MGAT1: variants seen among roughly 807,000 people sequenced by gnomAD.
MGAT1 encodes N-glycosyl-oligosaccharide-glycoprotein N-acetylglucosaminyltransferase I.
MGAT1 carries 14 observed loss-of-function variants against 31.7 expected under a neutral mutation model. The observed-to-expected ratio is 0.44, with a 90% CI of 0.29 to 0.69. The LOEUF (loss-of-function observed/expected upper bound fraction) is 0.69. MGAT1 is among the 30% of genes least tolerant of loss of function. MGAT1 has a pLI of 0.12. For synonymous variants in MGAT1, 338 were observed against 276.0 expected (o/e 1.22, Z -2.23); for missense variants, 557 against 626.0 (o/e 0.89, Z 1.18).
At chr5:180,802,466 C>A (rs564010551) in intron 1 of MGAT1, among the ~76,000 whole-genome samples, 40 of 152,298 alleles carry the variant, frequency 2.6e-4, no homozygotes, top group South Asian at 2.3e-3. Context: ...GCCCGGGATT[C>A]CGAAAGCAGA....
At position 180,795,333 on chromosome 5, in the gene MGAT1, T is replaced by C. The variant is rs372024986; in HGVS notation, c.-126-2236A>G. The stretch of plus-strand genomic sequence containing the variant: ...CACATATATGTCAAAACTTATCAAA[T>C]TGTACACTTTATATGCAGTTCTTTG... On this transcript the variant is annotated intron_variant, in intron 1 of 1. Coordinates refer to ENST00000307826, the MANE Select transcript of MGAT1 (RefSeq NM_002406.4). 4 of 151,872 alleles carry C rather than the reference T, an allele frequency of 2.6e-5. No homozygotes were observed. In the South Asian group the frequency reaches 6.2e-4, roughly 24 times the overall value. The allele number at this position is 151,872 out of a possible 1,614,324, so 9.4% of individuals were successfully genotyped here.
chr5:180,802,376 C>A (rs2113474153), intron 1 of MGAT1, among the ~76,000 whole-genome samples: 1 of 152,340 alleles, frequency 6.6e-6, no homozygotes, highest in African/African-American at 2.4e-5. Context: ...CTCCCTGCCC[C>A]GCACGCACGG....
At chr5:180,798,097 G>GAC (rs1468469172) in intron 1 of MGAT1, among the ~76,000 whole-genome samples, 1 of 152,222 alleles carries the variant, frequency 6.6e-6, no homozygotes, top group Non-Finnish European at 1.5e-5. Context: ...AGGCAAGCCA[G>GAC]ACAGCCCAGA....
chr5:180,807,417 G>A (rs1381082440), upstream of MGAT1, among the ~76,000 whole-genome samples: 3 of 152,226 alleles, frequency 2.0e-5, no homozygotes, highest in Non-Finnish European at 4.4e-5. Context: ...CAGACAGGAA[G>A]TGAGAAGATA....
intron 1 of MGAT1, chr5:180,795,421 T>C (rs575302115): frequency 2.0e-5 from 3 of 152,286 alleles, no homozygotes; most frequent in African/African-American, 2.4e-5. Flanking sequence ...AAAGACGTTA[T>C]TGGGTAAAAT....
intron 1 of MGAT1, among the ~76,000 whole-genome samples, chr5:180,794,942 AGG>A (rs1388589811): frequency 6.6e-6 from 1 of 152,252 alleles, no homozygotes; most frequent in Non-Finnish European, 1.5e-5. Context: ...GCCCATCAAC[AGG>A]GAAATACAGA....
upstream of MGAT1, among the ~76,000 whole-genome samples, chr5:180,804,458 C>T (rs1771551877): frequency 6.6e-6 from 1 of 152,244 alleles, no homozygotes; most frequent in Non-Finnish European, 1.5e-5. Flanking sequence ...CCACCGAGGC[C>T]GCCGTGTGCA....
At chr5:180,799,569 C>T (rs1347212206) in intron 1 of MGAT1, among the ~76,000 whole-genome samples, 1 of 152,206 alleles carries the variant, frequency 6.6e-6, no homozygotes, top group African/African-American at 2.4e-5. Context: ...CCTCTGTGCC[C>T]ACCACAGTGC....
intron 1 of MGAT1, chr5:180,810,160 G>A (rs1182812240): frequency 6.8e-6 from 1 of 147,374 alleles, no homozygotes; most frequent in African/African-American, 2.5e-5. Flanking sequence ...CAGCGGCCCG[G>A]CCCTCCCCTC....
upstream of MGAT1, among the ~76,000 whole-genome samples, chr5:180,805,993 A>G (rs193174321): frequency 7.2e-5 from 11 of 152,300 alleles, no homozygotes; most frequent in African/African-American, 2.6e-4. Context: ...TAATTGAGTT[A>G]AAATACACAC....
Position 180,812,071 on chromosome 5 carries a change from C to T in MGAT1, c.-545-3005G>A, listed in dbSNP as rs1772613281. On this transcript the variant is annotated intron_variant, in intron 1 of 2. Transcript: ENST00000333055. ...GACGCTCACCACTTCCTGAAATACT[C>T]GCCGGGTTTACCATGTATTGTCTGT... Among the ~76,000 whole-genome samples, 3 of 152,198 alleles carry T rather than the reference C, an allele frequency of 2.0e-5. No individual in the cohort carries two copies. The South Asian group carries it at 6.2e-4, about 31-fold the overall frequency.
At chr5:180,813,173 A>G (rs1216362772) in intron 1 of MGAT1, among the ~76,000 whole-genome samples, 1 of 152,150 alleles carries the variant, frequency 6.6e-6, no homozygotes, top group Non-Finnish European at 1.5e-5. Flanking sequence ...TATGAAAGAT[A>G]CACAGAAAGA....
intron 1 of MGAT1, among the ~76,000 whole-genome samples, chr5:180,801,491 GA>G (rs1770755780): frequency 6.6e-6 from 1 of 151,788 alleles, no homozygotes; most frequent in African/African-American, 2.4e-5. Context: ...TTTCAGGACG[GA>G]AAAAAAAGAA....
chr5:180,795,795 A>T (rs1423852818), intron 1 of MGAT1: 1 of 152,080 alleles, frequency 6.6e-6, no homozygotes, highest in African/African-American at 2.4e-5. Context: ...TCAGCAAGGC[A>T]AATTGAGATG....
chr5:180,787,986 GA>G lies in MGAT1; in HGVS notation c.*3647del, dbSNP rs1043334555. On this transcript the variant is annotated 3_prime_UTR_variant, in exon 2 of 2. Transcript: ENST00000307826. ...GAGCAGGAACCCACAGTGAGAGCAGGAGTGGCAGGAGGTGGTCACAGCTGGA... is the reference window on the plus strand; with the variant it reads ...GAGCAGGAACCCACAGTGAGAGCAGGGTGGCAGGAGGTGGTCACAGCTGGA... 89 of 154,184 alleles carry G rather than the reference GA, an allele frequency of 5.8e-4. No individual in the cohort carries two copies. The highest frequency in any genetic ancestry group is 1.1e-3 in the Non-Finnish European group (77 of 69,456). 9.6% of individuals were successfully genotyped at this position (154,184 alleles called of 1,614,324 possible). A position where few individuals can be genotyped will look rare whatever the true frequency, so the allele number is the denominator to read the frequency against.
chr5:180,810,101 CCCCAGGCCCGATCCCCAGCGCTGG>C (rs1581925045), intron 1 of MGAT1: 1 of 150,244 alleles, frequency 6.7e-6, no homozygotes, highest in African/African-American at 2.5e-5. Flanking sequence ...GCAATCCAGG[CCCCAGGCCCGATCCCCAGCGCTGG>C]CCCAGGCCCC....
At chr5:180,804,312 G>GC (rs35557646), upstream of MGAT1, among the ~76,000 whole-genome samples, 19,774 of 152,216 alleles carry the variant, frequency 0.13, 1,360 homozygotes, top group East Asian at 0.24. Context: ...ACTCCTGTGC[G>GC]CCCCCCAACA....
intron 1 of MGAT1, among the ~76,000 whole-genome samples, chr5:180,794,775 G>A (rs1184563581): frequency 1.3e-5 from 2 of 152,086 alleles, no homozygotes; most frequent in Non-Finnish European, 2.9e-5. Flanking sequence ...TGGTGAGTGA[G>A]CTAGTTCCCC....
intron 1 of MGAT1, among the ~76,000 whole-genome samples, chr5:180,799,919 C>CATG (rs1770363345): frequency 6.6e-6 from 1 of 152,106 alleles, no homozygotes; most frequent in Non-Finnish European, 1.5e-5. Flanking sequence ...TGGACAGGAC[C>CATG]CCCATAGGTA....
Sources: allele counts gnomAD v4.1 joint callset (sites outside exome capture counted in the v4.1 genomes callset), GRCh38; gene constraint gnomAD v4.1.1; transcripts MANE v1.5; gene names NCBI Gene and HGNC (gene_info 2026-07-23, HGNC 2026-07-21).